Variants in SORBS2 observed in about 807,000 individuals in gnomAD.
The protein encoded by SORBS2 is sorbin and SH3 domain containing 2.
SORBS2 carries 46 observed loss-of-function variants against 97.7 expected under a neutral mutation model. The observed-to-expected ratio is 0.47, with a 90% CI of 0.37 to 0.60. The LOEUF is 0.60. SORBS2 is among the 20% of genes least tolerant of loss of function. SORBS2 has a pLI of 0.00. For missense variants in SORBS2, 1,316 were observed against 1,282.3 expected, an observed-to-expected ratio of 1.03 and a Z score of -0.40; for synonymous variants, 476 against 473.4, an observed-to-expected ratio of 1.01 and a Z score of -0.07.
intron 2 of SORBS2, among the ~76,000 whole-genome samples, chr4:185,755,946 C>T (rs759983619): frequency 6.6e-6 from 1 of 152,144 alleles, no homozygotes; most frequent in Non-Finnish European, 1.5e-5. Flanking sequence ...AAGTAAATAT[C>T]AGTTAAAATG....
intron 1 of SORBS2, among the ~76,000 whole-genome samples, chr4:185,909,036 C>T (rs975923987): frequency 1.3e-5 from 2 of 151,918 alleles, no homozygotes; most frequent in African/African-American, 4.8e-5. Context: ...ATCCAACAAT[C>T]CCACCACTGG....
chr4:185,701,387 C>T (rs542459523), intron 2 of SORBS2, among the ~76,000 whole-genome samples: 1 of 152,292 alleles, frequency 6.6e-6, no homozygotes, highest in South Asian at 2.1e-4. Flanking sequence ...GCCTGTTCTC[C>T]TTCAGGTCCA....
chr4:185,828,546 A>C (rs1465666530), intron 1 of SORBS2, among the ~76,000 whole-genome samples: 1 of 152,112 alleles, frequency 6.6e-6, no homozygotes, highest in East Asian at 1.9e-4. Flanking sequence ...CGTTTCTATA[A>C]TACAACAAAG....
intron 1 of SORBS2, among the ~76,000 whole-genome samples, chr4:185,822,486 T>C (rs908335134): frequency 5.3e-5 from 8 of 152,238 alleles, no homozygotes; most frequent in Non-Finnish European, 1.2e-4. Context: ...CAGACATGCA[T>C]ATGACAAGGT....
In SORBS2 at chr4:185,755,202, G is replaced by A. The variant is rs528700705; in HGVS notation, c.-198+20025C>T. ...ACAGACTCTGTCAAACAGTCAGCAT[G>A]GCCAGATTACCCTCCTGGTCTTCCA... is the stretch of plus-strand genomic sequence containing the variant. On this transcript the variant is annotated intron_variant, in intron 2 of 20. Coordinates refer to the SORBS2 transcript ENST00000284776. Among the ~76,000 whole-genome samples the A allele has an allele frequency of 2.0e-5, 3 of 152,356 alleles. No individual in the cohort carries two copies. The East Asian group carries it at 5.8e-4, about 29-fold the overall frequency.
chr4:185,588,285 A>C (rs2095835614), intron 14 of SORBS2: 1 of 152,348 alleles, frequency 6.6e-6, no homozygotes, highest in South Asian at 2.1e-4. Context: ...AATGAAAAAA[A>C]GGATTAAGCA....
chr4:185,690,391 A>G (rs372740145), intron 2 of SORBS2, among the ~76,000 whole-genome samples, 171 bp downstream of exon 4: 3 of 152,138 alleles, frequency 2.0e-5, no homozygotes, highest in Non-Finnish European at 1.5e-5. Context: ...TTTGGTGGCT[A>G]TAAGAGTGGG....
intron 1 of SORBS2, among the ~76,000 whole-genome samples, chr4:185,798,543 C>T (rs1384481734): frequency 6.6e-6 from 1 of 152,190 alleles, no homozygotes; most frequent in Admixed American, 6.5e-5. Context: ...TTAGCAACTA[C>T]ACTTAATAGC....
chr4:185,882,591 C>A (rs2099237421), intron 1 of SORBS2, among the ~76,000 whole-genome samples: 1 of 152,050 alleles, frequency 6.6e-6, no homozygotes, highest in African/African-American at 2.4e-5. Flanking sequence ...CAAGTTGATT[C>A]TAAAATTTAT....
At chr4:185,953,043 G>A (rs545925525) in intron 1 of SORBS2, among the ~76,000 whole-genome samples, 18 of 152,292 alleles carry the variant, frequency 1.2e-4, no homozygotes, top group Admixed American at 9.1e-4. Context: ...GGCCGGGCGC[G>A]GTGGCTCACG....
chr4:185,733,665 C>T (rs1425576449), intron 2 of SORBS2, among the ~76,000 whole-genome samples: 2 of 152,154 alleles, frequency 1.3e-5, no homozygotes, highest in Non-Finnish European at 2.9e-5. Flanking sequence ...TGAAGGAAGG[C>T]GCTTTAGGAC....
intron 1 of SORBS2, among the ~76,000 whole-genome samples, chr4:185,869,059 C>T (rs1229837180): frequency 1.3e-5 from 2 of 152,214 alleles, no homozygotes; most frequent in East Asian, 3.8e-4. Flanking sequence ...CAAGTGAAAA[C>T]TGACCAGAAC....
intron 1 of SORBS2, among the ~76,000 whole-genome samples, chr4:185,807,399 C>T (rs1357388805): frequency 6.6e-6 from 1 of 152,110 alleles, no homozygotes; most frequent in Non-Finnish European, 1.5e-5. Context: ...GAATTTAATG[C>T]TGAATTTATG....
intron 4 of SORBS2, among the ~76,000 whole-genome samples, chr4:185,663,916 G>A (rs547760206): frequency 1.3e-3 from 176 of 139,758 alleles, no homozygotes; most frequent in Middle Eastern, 8.1e-3. Flanking sequence ...GTGCAGTGGC[G>A]CAGTCTCGGC....
intron 2 of SORBS2, chr4:185,772,621 AT>A (rs1007492845): frequency 6.6e-6 from 1 of 152,218 alleles, no homozygotes; most frequent in African/African-American, 2.4e-5. Flanking sequence ...GGCTGCTGGA[AT>A]TTAAAACGCA....
chr4:185,726,989 G>A (rs760494859), intron 2 of SORBS2, among the ~76,000 whole-genome samples: 4 of 152,136 alleles, frequency 2.6e-5, no homozygotes, highest in Non-Finnish European at 5.9e-5. Context: ...GGCTATTACA[G>A]AGAATCAACT....
intron 13 of SORBS2, 44 bp from the exon 26 acceptor site, chr4:185,589,829 T>C (rs2095878584): frequency 3.0e-6 from 3 of 1,001,842 alleles, no homozygotes; most frequent in Non-Finnish European, 4.8e-6. Flanking sequence ...TCTTGACACC[T>C]TCATGAAATA....
intron 1 of SORBS2, among the ~76,000 whole-genome samples, chr4:185,813,969 T>C (rs2099191476): frequency 6.6e-6 from 1 of 152,096 alleles, no homozygotes; most frequent in Non-Finnish European, 1.5e-5. Flanking sequence ...TATTCTAATT[T>C]CTCAATGCCT....
chr4:185,699,774 A>G (rs1279390080), intron 2 of SORBS2, among the ~76,000 whole-genome samples: 3 of 152,236 alleles, frequency 2.0e-5, no homozygotes, highest in African/African-American at 7.2e-5. Context: ...GGATCTAATA[A>G]AAGTAGACAA....
Sources: gnomAD v4.1 joint callset for allele counts (sites outside exome capture counted in the v4.1 genomes callset) on GRCh38, gnomAD v4.1.1 for gene constraint, MANE v1.5 for transcripts, NCBI Gene and HGNC (gene_info 2026-07-23, HGNC 2026-07-21) for gene names.